Variants in TSC2 observed in about 807,000 individuals in gnomAD.
TSC2 encodes the protein tuberin.
Under a neutral mutation model 202.2 loss-of-function variants are expected in TSC2, and 29 were observed. The observed-to-expected ratio is 0.14, with a 90% CI of 0.11 to 0.20. The LOEUF (loss-of-function observed/expected upper bound fraction) is 0.20, where lower values mean the gene tolerates loss of function less well. TSC2 is among the 10% of genes least tolerant of loss of function. The pLI is 1.00. For synonymous variants in TSC2, 1,349 were observed against 1,044.0 expected, an observed-to-expected ratio of 1.29 and a Z score of -5.63; for missense variants, 2,429 against 2,420.0, an observed-to-expected ratio of 1.00 and a Z score of -0.08.
chr16:2,076,031 C>T (rs2151385058), intron 23 of TSC2, 37 bp from the exon 24 acceptor site: 5 of 1,613,710 alleles, frequency 3.1e-6, no homozygotes, highest in Non-Finnish European at 4.2e-6. Flanking sequence ...TGTTTCCCTG[C>T]TGCCAGGATG....
intron 33 of TSC2, 32 bp from the exon 34 acceptor site, chr16:2,084,196 A>C: frequency 1.9e-6 from 3 of 1,557,174 alleles, no homozygotes; most frequent in Non-Finnish European, 2.6e-6. Flanking sequence ...GTGCCTGCTG[A>C]CAGGGGTTCT....
chr16:2,048,309 A>G lies in TSC2; in HGVS notation c.-30+244A>G, dbSNP rs1297606134. On this transcript the variant is annotated intron_variant, in intron 1 of 41. Coordinates refer to ENST00000219476, the MANE Select transcript of TSC2 (RefSeq NM_000548.5). ...GACGGCAAACGTCGGGGCTCCCAGG[A>G]CTTCGCGGCGGCAGTCCTAACCCGT... The G allele has an allele frequency of 7.7e-6, 8 of 1,043,260 alleles. No individual in the cohort carries two copies. In the South Asian group the frequency reaches 8.1e-5, roughly 11 times the overall value. 64.6% of individuals were successfully genotyped at this position (1,043,260 alleles called of 1,614,324 possible).
In TSC2 at chr16:2,071,552, C is replaced by G. The variant is rs45437797; in HGVS notation, c.1882C>G (p.Arg628Gly). 1.9e-6 allele frequency: 3 copies of G among 1,613,534 alleles called. No individual in the cohort carries two copies. Among genetic ancestry groups the G allele is most frequent in the Non-Finnish European group, 2.5e-6 (3 of 1,180,016 alleles). ...LLLLRADSLH[R>G]LGLPNKDGVV... ...GCTGCTGCGGGCCGACTCACTGCAC[C>G]GCCTGGGCCTGCCCAACAAGGATGG... The change falls in exon 18 of 42, where the codon CGC (arginine) becomes GGC (glycine). Residue 628 changes from arginine to glycine, a missense_variant. Physicochemically the swap from Arg to Gly is moderately radical, Grantham distance 125. Coordinates refer to ENST00000219476, the MANE Select transcript of TSC2 (RefSeq NM_000548.5).
Position 2,089,375 on chromosome 16 carries a change from C to T in TSC2, c.*765C>T, listed in dbSNP as rs1001905592. ...CAGGGTGGCGGCGGTGCAGGCTAAC[C>T]CTCCCTGAAGCCAGCAGCCTTAGCA... On this transcript the variant is annotated 3_prime_UTR_variant, in exon 42 of 42. Transcript: ENST00000219476. 2 of 395,980 alleles carry T rather than the reference C, an allele frequency of 5.1e-6. No homozygotes were observed. Among genetic ancestry groups the T allele is most frequent in the Non-Finnish European group, 4.6e-6 (1 of 215,996 alleles). 24.5% of individuals were successfully genotyped at this position (395,980 alleles called of 1,614,324 possible).
chr16:2,072,451 C>G, intron 20 of TSC2, 88 bp downstream of exon 20: 2 of 1,567,316 alleles, frequency 1.3e-6, no homozygotes, highest in Non-Finnish European at 1.7e-6. Context: ...GCGAGTGAGA[C>G]CCTTCGGGCT....
rs760781650 is a variant in TSC2 at position 2,088,059 on chromosome 16, C to T, written c.5080C>T (p.Leu1694Phe). The T allele has an allele frequency of 1.2e-6, 2 of 1,612,680 alleles. No homozygotes were observed. The highest frequency in any genetic ancestry group is 1.6e-4 in the Middle Eastern group (1 of 6,062). Residue 1694 changes from leucine (L) to phenylalanine (F), a missense_variant, in exon 40 of 42, where the codon CTT becomes TTT. Transcript: ENST00000219476. ...CCAAGTCTCCCCAGACATGGAGGGCCTTGTGGACACCAGCGTGGCCAAGAT... is the reference window on the plus strand; with the variant it reads ...CCAAGTCTCCCCAGACATGGAGGGCTTTGTGGACACCAGCGTGGCCAAGAT... Reference protein sequence around the residue: ...SLQCRKDMEGLVDTSVAKIVS... With the variant: ...SLQCRKDMEGFVDTSVAKIVS...
chr16:2,048,479 A>T, intron 1 of TSC2, 108 bp from the exon 2 acceptor site: 1 of 1,387,472 alleles, frequency 7.2e-7, no homozygotes, highest in Non-Finnish European at 1.0e-6. Flanking sequence ...TGTGGGAGGA[A>T]AGGTTATGCC....
chr16:2,073,052 C>A, intron 21 of TSC2, 69 bp downstream of exon 21: 3 of 1,608,312 alleles, frequency 1.9e-6, no homozygotes, highest in South Asian at 1.1e-5. Context: ...CCAGGTAGGC[C>A]CCACATTTTT....
chr16:2,058,354 TC>T (rs2086170205), intron 9 of TSC2, among the ~76,000 whole-genome samples: 1 of 152,224 alleles, frequency 6.6e-6, no homozygotes. Flanking sequence ...GGTCACTGAC[TC>T]CCCCACCTCC....
In TSC2 at chr16:2,075,936, C is replaced by G. The variant is rs1800715; in HGVS notation, c.2639+44C>G. The G allele has an allele frequency of 0.1, 169,032 of 1,612,368 alleles. 17,491 individuals are homozygous for G. Among genetic ancestry groups the G allele is most frequent in the African/African-American group, 0.56 (41,636 of 74,974 alleles). On this transcript the variant is annotated intron_variant, in intron 23 of 41. Coordinates refer to ENST00000219476, the MANE Select transcript of TSC2 (RefSeq NM_000548.5). ...CCCTGTGCCTCCCAGCCGTGGCCCC[C>G]GCTAGGCCTTGCGGCAGAAAGCCCC...
rs764446159 is a variant in TSC2, at chr16:2,080,387, G to A, written c.3610+10G>A. The A allele has an allele frequency of 1.7e-5, 27 of 1,610,068 alleles. No homozygotes were observed. Among genetic ancestry groups the A allele is most frequent in the African/African-American group, 9.4e-5 (7 of 74,782 alleles). On this transcript the variant is annotated intron_variant, in intron 30 of 41. Coordinates refer to ENST00000219476, the MANE Select transcript of TSC2 (RefSeq NM_000548.5). ...GTCCGGAGGCCCACAGGTACTGGGC[G>A]GGGCTGGCCTGAGCGCCATCTTTCT... is the stretch of plus-strand genomic sequence containing the variant.
chr16:2,063,735 G>A (rs2086923894), intron 14 of TSC2: 2 of 236,744 alleles, frequency 8.4e-6, no homozygotes, highest in Admixed American at 1.0e-4. Context: ...AGGGCCTCCT[G>A]GAAGTTCCTC....
At chr16:2,084,820 C>T in intron 34 of TSC2, 105 bp downstream of exon 34, 1 of 1,598,752 alleles carries the variant, frequency 6.3e-7, no homozygotes, top group Admixed American at 1.7e-5. Flanking sequence ...CTCGCCTGTG[C>T]CCTAGGGCTG....
rs950251216 is a variant in TSC2, at chr16:2,087,757, C to T, written c.4990-106C>T. ...AGAGGGGAAAGTTCAGGGGCAGATGCTGCCCATGGAGCTGACAGGTGTCTA... is the reference window on the plus strand; with the variant it reads ...AGAGGGGAAAGTTCAGGGGCAGATGTTGCCCATGGAGCTGACAGGTGTCTA... On this transcript the variant is annotated intron_variant, in intron 38 of 41. Coordinates refer to ENST00000219476, the MANE Select transcript of TSC2 (RefSeq NM_000548.5). The T allele has an allele frequency of 1.0e-5, 14 of 1,375,566 alleles. No homozygotes were observed. The South Asian group carries it at 1.1e-4, about 11-fold the overall frequency. The allele number at this position is 1,375,566 out of a possible 1,614,324, so 85.2% of individuals were successfully genotyped here. A position where few individuals can be genotyped will look rare whatever the true frequency, so the allele number is the denominator to read the frequency against.
chr16:2,072,299 A>G lies in TSC2; in HGVS notation c.2156A>G (p.Tyr719Cys), dbSNP rs2088573975. Residue 719 changes from tyrosine to cysteine, a missense_variant, in exon 20 of 42, where the codon TAT becomes TGT. Transcript: ENST00000219476. ...VLGRLPESLR[Y>C]KVLIFTSPCS... ...GGCAGGCTGCCTGAGTCCCTGCGCT[A>G]TAAAGTGCTCATCTTTACTTCCCCT... The G allele has an allele frequency of 6.2e-7, 1 of 1,614,128 alleles. No homozygotes were observed. The highest frequency in any genetic ancestry group is 8.5e-7 in the Non-Finnish European group (1 of 1,180,038).
At chr16:2,071,752 C>G (rs2088438679) in intron 18 of TSC2, 32 bp from the exon 19 acceptor site, 1 of 1,601,558 alleles carries the variant, frequency 6.2e-7, no homozygotes, top group Non-Finnish European at 8.5e-7. Flanking sequence ...GCTGCGGGGA[C>G]TTGGCCTCAG....
rs891803760 is a variant in TSC2, at chr16:2,089,036, C to T, written c.*426C>T. On this transcript the variant is annotated 3_prime_UTR_variant, in exon 42 of 42. Coordinates refer to ENST00000219476, the MANE Select transcript of TSC2 (RefSeq NM_000548.5). Reference sequence around the variant, plus strand: ...AGGCCTGGGCGCTGCTCTCTTGCTACCTGGCCTGGGGCAAGGGAGGATGAC... The same window carrying T: ...AGGCCTGGGCGCTGCTCTCTTGCTATCTGGCCTGGGGCAAGGGAGGATGAC... 1.5e-5 allele frequency: 3 copies of T among 200,934 alleles called. No individual in the cohort carries two copies. In the Admixed American group the frequency reaches 1.6e-4, roughly 11 times the overall value. The allele number at this position is 200,934 out of a possible 1,614,324, so 12.4% of individuals were successfully genotyped here. A position where few individuals can be genotyped will look rare whatever the true frequency, so the allele number is the denominator to read the frequency against.
At chr16:2,058,722 C>A (rs1291986392) in intron 9 of TSC2, 25 bp from the exon 10 acceptor site, 1 of 1,566,494 alleles carries the variant, frequency 6.4e-7, no homozygotes, top group South Asian at 1.2e-5. Context: ...TGCTCACATT[C>A]CGTCTCTCTG....
At chr16:2,070,369 C>T in intron 16 of TSC2, 87 bp from the exon 17 acceptor site, 4 of 1,611,148 alleles carry the variant, frequency 2.5e-6, no homozygotes, top group South Asian at 2.2e-5. Flanking sequence ...GAGCAGCCGC[C>T]CCGGCCCCTG....
Sources: allele counts gnomAD v4.1 joint callset (sites outside exome capture counted in the v4.1 genomes callset), GRCh38; gene constraint gnomAD v4.1.1; transcripts MANE v1.5; gene names NCBI Gene and HGNC (gene_info 2026-07-23, HGNC 2026-07-21).